Variants in DNAJC1 observed in about 807,000 individuals in gnomAD.
The protein encoded by DNAJC1 is dnaJ homolog subfamily C member 1.
In DNAJC1, 58 loss-of-function variants were observed where a neutral mutation model predicts 76.6. The ratio of observed to expected loss-of-function variants is 0.76; its 90% CI spans 0.61 to 0.94. The LOEUF (loss-of-function observed/expected upper bound fraction) is 0.94. DNAJC1 is among the 40% of genes least tolerant of loss of function. The probability of loss-of-function intolerance (pLI) is 0.00; values close to 1 mark genes in which losing one functional copy is unlikely to be tolerated. For missense variants in DNAJC1, 689 were observed against 677.3 expected, an observed-to-expected ratio of 1.02 and a Z score of -0.19; for synonymous variants, 258 against 267.9, an observed-to-expected ratio of 0.96 and a Z score of 0.36.
intron 9 of DNAJC1, among the ~76,000 whole-genome samples, chr10:21,784,997 A>T (rs1834586119): frequency 6.6e-6 from 1 of 152,220 alleles, no homozygotes; most frequent in Admixed American, 6.5e-5. Flanking sequence ...ACATGGACAC[A>T]TATGTAACAA....
chr10:21,900,911 T>C (rs575153407), intron 7 of DNAJC1, among the ~76,000 whole-genome samples: 1 of 152,184 alleles, frequency 6.6e-6, no homozygotes, highest in Non-Finnish European at 1.5e-5. Context: ...TACCAACCCC[T>C]GAATCAACTA....
At chr10:21,973,968 G>A (rs1032301934) in intron 1 of DNAJC1, among the ~76,000 whole-genome samples, 1 of 151,772 alleles carries the variant, frequency 6.6e-6, no homozygotes, top group Non-Finnish European at 1.5e-5. Context: ...CGGACCTGGA[G>A]GTGCGTGCCT....
chr10:21,893,466 A>C (rs1425945690), intron 7 of DNAJC1, among the ~76,000 whole-genome samples: 1 of 151,886 alleles, frequency 6.6e-6, no homozygotes, highest in East Asian at 1.9e-4. Context: ...TATCTCTACT[A>C]AAAACAAAAA....
intron 8 of DNAJC1, among the ~76,000 whole-genome samples, chr10:21,822,801 T>G: frequency 6.6e-6 from 1 of 152,018 alleles, no homozygotes; most frequent in Non-Finnish European, 1.5e-5. Flanking sequence ...TAATTTTAGG[T>G]GTCAGAACAG....
chr10:21,868,090 CA>C (rs1301372134), intron 8 of DNAJC1, among the ~76,000 whole-genome samples: 5 of 103,598 alleles, frequency 4.8e-5, no homozygotes, highest in Admixed American at 9.6e-5. Flanking sequence ...AAAAAAAAAA[CA>C]AAAAAAAAAA....
At chr10:21,817,068 G>A (rs978640028) in intron 8 of DNAJC1, among the ~76,000 whole-genome samples, 10 of 144,870 alleles carry the variant, frequency 6.9e-5, no homozygotes, top group East Asian at 2.1e-4. Context: ...GCTGAGGCAG[G>A]AGAATGGCCT....
chr10:21,782,319 A>C (rs977935969), intron 9 of DNAJC1, among the ~76,000 whole-genome samples: 1 of 152,040 alleles, frequency 6.6e-6, no homozygotes, highest in Non-Finnish European at 1.5e-5. Flanking sequence ...TGGACACATA[A>C]ACCCTCCCAA....
intron 1 of DNAJC1, among the ~76,000 whole-genome samples, chr10:21,997,146 T>C (rs377678557): frequency 9.9e-5 from 15 of 152,192 alleles, no homozygotes; most frequent in Non-Finnish European, 1.8e-4. Context: ...CTGGACAAAA[T>C]TGATAATCAC....
chr10:21,774,592 A>C (rs1268243664), intron 9 of DNAJC1, among the ~76,000 whole-genome samples: 1 of 152,116 alleles, frequency 6.6e-6, no homozygotes, highest in Non-Finnish European at 1.5e-5. Flanking sequence ...CTCCTGCCTC[A>C]GCTTCCTGAA....
At chr10:21,903,076 G>A (rs780607578) in intron 7 of DNAJC1, among the ~76,000 whole-genome samples, 11 of 152,062 alleles carry the variant, frequency 7.2e-5, no homozygotes, top group Admixed American at 3.9e-4. Flanking sequence ...ACAGGTGTCC[G>A]CCACTATGCC....
intron 1 of DNAJC1, among the ~76,000 whole-genome samples, chr10:21,994,128 GAGCT>G (rs1170653427): frequency 6.6e-6 from 1 of 152,068 alleles, no homozygotes; most frequent in East Asian, 1.9e-4. Flanking sequence ...GTATTTATCC[GAGCT>G]TGCTAACCTA....
intron 8 of DNAJC1, among the ~76,000 whole-genome samples, chr10:21,838,476 C>T (rs1459287280): frequency 2.0e-5 from 3 of 152,110 alleles, no homozygotes; most frequent in Non-Finnish European, 4.4e-5. Flanking sequence ...CCCAGGGACA[C>T]AAACACTGCA....
chr10:21,898,904 A>C (rs1162200241), intron 7 of DNAJC1, among the ~76,000 whole-genome samples: 1 of 152,178 alleles, frequency 6.6e-6, no homozygotes, highest in African/African-American at 2.4e-5. Flanking sequence ...GAGAGGAACA[A>C]AAGGGGTGAG....
chr10:21,897,851 A>G (rs1564820856), intron 7 of DNAJC1, among the ~76,000 whole-genome samples: 1 of 152,228 alleles, frequency 6.6e-6, no homozygotes, highest in Non-Finnish European at 1.5e-5. Flanking sequence ...TTTGTTGTAC[A>G]TAGTACCAAA....
At chr10:21,778,377 T>C (rs1834480310) in intron 9 of DNAJC1, among the ~76,000 whole-genome samples, 1 of 152,196 alleles carries the variant, frequency 6.6e-6, no homozygotes, top group South Asian at 2.1e-4. Flanking sequence ...CATGATTTCC[T>C]TTTAGTTCAA....
At chr10:21,950,909 A>G (rs1837583315) in intron 1 of DNAJC1, among the ~76,000 whole-genome samples, 1 of 152,250 alleles carries the variant, frequency 6.6e-6, no homozygotes, top group Non-Finnish European at 1.5e-5. Flanking sequence ...AGCTAGCAGA[A>G]GTTGGATCAC....
chr10:21,828,432 T>G (rs1225360635), intron 8 of DNAJC1, among the ~76,000 whole-genome samples: 2 of 152,260 alleles, frequency 1.3e-5, no homozygotes, highest in Non-Finnish European at 2.9e-5. Context: ...TCATGATTTT[T>G]AAGTGAATGC....
chr10:21,800,282 T>G (rs1834799622), intron 9 of DNAJC1, among the ~76,000 whole-genome samples: 1 of 152,172 alleles, frequency 6.6e-6, no homozygotes, highest in Admixed American at 6.5e-5. Context: ...TGTTTGGTTT[T>G]TATGAGAGTA....
chr10:21,824,734 C>T (rs1378546470), intron 8 of DNAJC1, among the ~76,000 whole-genome samples: 1 of 152,118 alleles, frequency 6.6e-6, no homozygotes, highest in Non-Finnish European at 1.5e-5. Flanking sequence ...GTAAATCATA[C>T]ATAACATAAA....
Sources: gnomAD v4.1 joint callset for allele counts (sites outside exome capture counted in the v4.1 genomes callset) on GRCh38, gnomAD v4.1.1 for gene constraint, MANE v1.5 for transcripts, NCBI Gene and HGNC (gene_info 2026-07-23, HGNC 2026-07-21) for gene names.